CNTNAP2: variants seen among roughly 807,000 people sequenced by gnomAD.
CNTNAP2 encodes contactin associated protein 2.
CNTNAP2 carries 98 observed loss-of-function variants against 155.2 expected under a neutral mutation model. That is an observed-to-expected ratio of 0.63 (90% CI 0.54 to 0.75). The LOEUF is 0.75. Ranked by LOEUF, CNTNAP2 falls within the 30% of genes least tolerant of loss-of-function variation. CNTNAP2 has a pLI of 0.00. For missense variants in CNTNAP2, 1,727 were observed against 1,688.1 expected (o/e 1.02, Z -0.40); for synonymous variants, 651 against 631.2 (o/e 1.03, Z -0.47).
At chr7:147,728,696 A>C (rs1796685595) in intron 13 of CNTNAP2, among the ~76,000 whole-genome samples, 1 of 152,018 alleles carries the variant, frequency 6.6e-6, no homozygotes, top group Non-Finnish European at 1.5e-5. Context: ...TTCCTTCTGC[A>C]AGTTTGATTA....
chr7:147,073,397 T>A (rs1799936351), intron 4 of CNTNAP2, among the ~76,000 whole-genome samples: 1 of 151,628 alleles, frequency 6.6e-6, no homozygotes, highest in African/African-American at 2.4e-5. Context: ...AAATGTTGAA[T>A]CCGAAGTGCC....
intron 3 of CNTNAP2, among the ~76,000 whole-genome samples, chr7:146,886,158 A>G (rs964551334): frequency 1.3e-5 from 2 of 151,928 alleles, no homozygotes; most frequent in Non-Finnish European, 2.9e-5. Context: ...TCTGAAGCCT[A>G]GAGCTGGAGG....
intron 2 of CNTNAP2, among the ~76,000 whole-genome samples, chr7:146,825,377 G>A (rs113212187): frequency 1.3e-5 from 2 of 152,180 alleles, no homozygotes; most frequent in South Asian, 2.1e-4. Flanking sequence ...CAGGAACTAG[G>A]GTTAGGATTG....
chr7:146,922,854 A>G (rs1383961656), intron 3 of CNTNAP2, among the ~76,000 whole-genome samples: 1 of 152,246 alleles, frequency 6.6e-6, no homozygotes, highest in Non-Finnish European at 1.5e-5. Flanking sequence ...ATAACTCATT[A>G]AAATATATCT....
intron 11 of CNTNAP2, among the ~76,000 whole-genome samples, chr7:147,527,015 CTTTTTTTTT>C (rs888976222): frequency 6.1e-5 from 4 of 65,182 alleles, no homozygotes; most frequent in African/African-American, 2.4e-4. Context: ...ACAGGCATTT[CTTTTTTTTT>C]TTTTTTTTTT....
intron 3 of CNTNAP2, among the ~76,000 whole-genome samples, chr7:146,880,784 C>T (rs1005573744): frequency 3.3e-5 from 5 of 152,090 alleles, no homozygotes; most frequent in African/African-American, 7.2e-5. Flanking sequence ...CTCAAACTTA[C>T]AGAGGGCTGA....
chr7:147,412,907 G>A (rs1797127996), intron 10 of CNTNAP2, among the ~76,000 whole-genome samples: 1 of 152,174 alleles, frequency 6.6e-6, no homozygotes, highest in African/African-American at 2.4e-5. Context: ...AAGAATTTAT[G>A]CTTTAGTCTG....
intron 1 of CNTNAP2, among the ~76,000 whole-genome samples, chr7:146,338,020 A>C (rs1801308125): frequency 6.6e-6 from 1 of 152,104 alleles, no homozygotes; most frequent in Non-Finnish European, 1.5e-5. Context: ...CTTTCCTATC[A>C]CTGCAAAGAT....
At chr7:148,353,196 T>C (rs145945250) in intron 21 of CNTNAP2, among the ~76,000 whole-genome samples, 221 of 152,298 alleles carry the variant, frequency 1.5e-3, no homozygotes, top group African/African-American at 5.1e-3. Context: ...AATTTGTGGT[T>C]CCTCTGAGAA....
At chr7:146,585,517 A>G (rs1317464192) in intron 1 of CNTNAP2, among the ~76,000 whole-genome samples, 2 of 152,164 alleles carry the variant, frequency 1.3e-5, no homozygotes, top group Non-Finnish European at 2.9e-5. Flanking sequence ...CAAATGCTTT[A>G]CAACATAGTT....
intron 8 of CNTNAP2, among the ~76,000 whole-genome samples, chr7:147,246,538 G>A (rs1354316971): frequency 6.6e-6 from 1 of 152,080 alleles, no homozygotes; most frequent in African/African-American, 2.4e-5. Flanking sequence ...GATGGAAGAG[G>A]CAAGCCAATT....
intron 12 of CNTNAP2, among the ~76,000 whole-genome samples, chr7:147,626,117 G>A (rs1794968088): frequency 6.6e-6 from 1 of 152,050 alleles, no homozygotes; most frequent in African/African-American, 2.4e-5. Flanking sequence ...AGGAAACTCT[G>A]AACTGAAATT....
intron 2 of CNTNAP2, among the ~76,000 whole-genome samples, chr7:146,826,372 C>G (rs1432906145): frequency 1.3e-5 from 2 of 152,082 alleles, no homozygotes; most frequent in Non-Finnish European, 2.9e-5. Context: ...AAGGAATATC[C>G]TGCTGTAAAC....
chr7:148,095,213 A>G (rs1285052863), intron 15 of CNTNAP2, among the ~76,000 whole-genome samples: 1 of 152,116 alleles, frequency 6.6e-6, no homozygotes, highest in Non-Finnish European at 1.5e-5. Context: ...TAACCCTGCA[A>G]AGAAAGCAAT....
intron 13 of CNTNAP2, among the ~76,000 whole-genome samples, chr7:147,738,999 G>A (rs1041752042): frequency 3.9e-5 from 6 of 152,064 alleles, no homozygotes; most frequent in African/African-American, 1.2e-4. Context: ...AAATTCCTGT[G>A]ACTGTTTTGT....
At chr7:148,404,286 A>G (rs1429688831) in intron 22 of CNTNAP2, among the ~76,000 whole-genome samples, 1 of 152,268 alleles carries the variant, frequency 6.6e-6, no homozygotes, top group Non-Finnish European at 1.5e-5. Context: ...AGTCACAAGA[A>G]TTAAGATTAT....
chr7:147,488,052 A>AC (rs11383187), intron 11 of CNTNAP2, among the ~76,000 whole-genome samples: 93,535 of 146,070 alleles, frequency 0.64, 29,072 homozygotes, highest in African/African-American at 0.73. Flanking sequence ...TTGGCTGGTG[A>AC]CTTTTTCTTT....
chr7:146,563,160 C>CACAGACCCTCTGTG lies in CNTNAP2; in HGVS notation c.98-211098_98-211097insGACAGACCCTCTGT, dbSNP rs1798305876. On this transcript the variant is annotated intron_variant, in intron 1 of 23. Coordinates refer to ENST00000361727, the MANE Select transcript of CNTNAP2 (RefSeq NM_014141.6). ...AAGTTTGCAGGAATACCCTGGGCAACACAGACCCTCTGTCACAGCCAAATG... is the reference window on the plus strand; with the variant it reads ...AAGTTTGCAGGAATACCCTGGGCAACACAGACCCTCTGTGACAGACCCTCTGTCACAGCCAAATG... Among the ~76,000 whole-genome samples the CACAGACCCTCTGTG allele has an allele frequency of 4.6e-5, 7 of 152,314 alleles. No individual in the cohort carries two copies. The South Asian group carries it at 1.5e-3, about 32-fold the overall frequency.
chr7:147,300,414 CTGTAATTCCACTGAGCA>C, intron 9 of CNTNAP2, 124 bp downstream of exon 9: 15 of 1,177,112 alleles, frequency 1.3e-5, no homozygotes, highest in South Asian at 2.6e-5. Context: ...ACAAAACAAA[CTGTAATTCCACTGAGCA>C]AAACAAAAAA....
Sources: allele counts gnomAD v4.1 joint callset (sites outside exome capture counted in the v4.1 genomes callset), GRCh38; gene constraint gnomAD v4.1.1; transcripts MANE v1.5; gene names NCBI Gene and HGNC (gene_info 2026-07-23, HGNC 2026-07-21).